The following PLA2G4E variants were observed in gnomAD, a reference collection of about 807,000 sequenced individuals.
PLA2G4E encodes the protein phospholipase A2 group IVE.
PLA2G4E carries 84 observed loss-of-function variants against 109.1 expected under a neutral mutation model. The ratio of observed to expected loss-of-function variants is 0.77; its 90% CI spans 0.65 to 0.92. The LOEUF (loss-of-function observed/expected upper bound fraction) is 0.92. PLA2G4E is among the 40% of genes least tolerant of loss of function. PLA2G4E has a pLI of 0.00. For synonymous variants in PLA2G4E, 469 were observed against 436.1 expected, an observed-to-expected ratio of 1.08 and a Z score of -0.94; for missense variants, 1,057 against 1,076.6, an observed-to-expected ratio of 0.98 and a Z score of 0.25.
chr15:41,992,870 T>C, exon 13 of PLA2G4E: 1 of 1,614,018 alleles, frequency 6.2e-7, no homozygotes, highest in Non-Finnish European at 8.5e-7. Context: ...GGGTAGCTTG[T>C]CCTTTACCAC....
At chr15:42,050,507 G>A (rs1408049440) in intron 1 of PLA2G4E, 3 of 1,547,152 alleles carry the variant, frequency 1.9e-6, no homozygotes, top group Non-Finnish European at 2.6e-6. Flanking sequence ...CCCCTCCCAG[G>A]AACACAGACA....
intron 1 of PLA2G4E, among the ~76,000 whole-genome samples, chr15:42,023,610 AC>A (rs1448389413): frequency 6.6e-6 from 1 of 152,022 alleles, no homozygotes; most frequent in African/African-American, 2.4e-5. Flanking sequence ...TGGCAACTCA[AC>A]CCACAGCACT....
chr15:42,021,650 G>A (rs1023914847), intron 1 of PLA2G4E, among the ~76,000 whole-genome samples: 16 of 152,218 alleles, frequency 1.1e-4, no homozygotes, highest in Admixed American at 2.0e-4. Context: ...GAGAGAGGGC[G>A]TGTCCAGCCC....
At chr15:41,984,437 T>C (rs2068107044) in exon 19 of PLA2G4E, 1 of 1,611,214 alleles carries the variant, frequency 6.2e-7, no homozygotes, top group South Asian at 1.1e-5. Flanking sequence ...GCAGCTCACC[T>C]GGTGCCTTGT....
intron 1 of PLA2G4E, among the ~76,000 whole-genome samples, chr15:42,019,484 A>G (rs1322980055): frequency 6.6e-6 from 1 of 152,156 alleles, no homozygotes; most frequent in Non-Finnish European, 1.5e-5. Flanking sequence ...AGAGAGGGGA[A>G]GATGGCACCT....
chr15:42,012,614 C>T (rs981819694), intron 2 of PLA2G4E, among the ~76,000 whole-genome samples: 2 of 152,198 alleles, frequency 1.3e-5, no homozygotes, highest in African/African-American at 4.8e-5. Flanking sequence ...CCCTCTCAGA[C>T]CCCAGGCTCT....
chr15:42,036,437 C>A (rs1889216653), intron 1 of PLA2G4E, among the ~76,000 whole-genome samples: 1 of 152,198 alleles, frequency 6.6e-6, no homozygotes, highest in South Asian at 2.1e-4. Context: ...GGGAGCGGTG[C>A]CGCTTTGGGG....
chr15:42,046,511 C>T (rs1045568111), intron 1 of PLA2G4E, among the ~76,000 whole-genome samples: 2 of 152,210 alleles, frequency 1.3e-5, no homozygotes, highest in African/African-American at 4.8e-5. Flanking sequence ...TCTCATCATT[C>T]GGATCTTAGT....
Position 42,045,487 on chromosome 15 carries a change from G to A in PLA2G4E, c.183+5034C>T, listed in dbSNP as rs1042479798. On this transcript the variant is annotated intron_variant, in intron 1 of 19. Coordinates refer to ENST00000399518, the Ensembl canonical transcript of PLA2G4E. ...CACCGGCACTCCACGGCAGTGCCGG[G>A]GGATGAAAAGGCATGAACAAGCAGC... Among the ~76,000 whole-genome samples, 3 of 152,212 alleles carry A rather than the reference G, an allele frequency of 2.0e-5. No individual in the cohort carries two copies. The East Asian group carries it at 5.8e-4, about 29-fold the overall frequency.
chr15:42,035,383 C>T (rs1889195255), intron 1 of PLA2G4E, among the ~76,000 whole-genome samples: 1 of 152,244 alleles, frequency 6.6e-6, no homozygotes, highest in Non-Finnish European at 1.5e-5. Context: ...TACATTTCAA[C>T]ACCTGTAAAC....
chr15:41,985,921 G>T, exon 18 of PLA2G4E: 9 of 1,608,356 alleles, frequency 5.6e-6, no homozygotes, highest in Non-Finnish European at 7.6e-6. Flanking sequence ...CGGGTAGCTG[G>T]AGTTGACAAA....
intron 1 of PLA2G4E, among the ~76,000 whole-genome samples, chr15:42,030,764 T>C (rs753742921): frequency 2.0e-5 from 3 of 152,224 alleles, no homozygotes; most frequent in Admixed American, 6.5e-5. Flanking sequence ...AGACTAGGTG[T>C]GTCTTTTCTG....
At chr15:42,043,863 G>A (rs570275092) in intron 1 of PLA2G4E, among the ~76,000 whole-genome samples, 21 of 152,226 alleles carry the variant, frequency 1.4e-4, no homozygotes, top group East Asian at 1.2e-3. Flanking sequence ...CATAAACACC[G>A]TACATATACA....
intron 12 of PLA2G4E, among the ~76,000 whole-genome samples, chr15:41,994,851 A>T (rs2068312003): frequency 6.6e-6 from 1 of 152,242 alleles, no homozygotes; most frequent in African/African-American, 2.4e-5. Flanking sequence ...GTGGGCCCCT[A>T]AAAGTACAGT....
chr15:42,026,286 A>ATGATAAAATT (rs767715799), intron 1 of PLA2G4E, among the ~76,000 whole-genome samples: 1 of 152,242 alleles, frequency 6.6e-6, no homozygotes, highest in Non-Finnish European at 1.5e-5. Flanking sequence ...AACTTAATAT[A>ATGATAAAATT]TGATAAAATT....
chr15:42,001,328 G>C, intron 6 of PLA2G4E, 108 bp from the exon 7 acceptor site: 2 of 1,040,872 alleles, frequency 1.9e-6, no homozygotes, highest in Non-Finnish European at 3.0e-6. Context: ...GCATTGGTCT[G>C]ACTGGGCTGA....
At chr15:42,033,653 T>C (rs1889155953) in intron 1 of PLA2G4E, among the ~76,000 whole-genome samples, 1 of 152,120 alleles carries the variant, frequency 6.6e-6, no homozygotes, top group Non-Finnish European at 1.5e-5. Context: ...GGGCAGCACC[T>C]GGGTGAGGCT....
At chr15:42,007,735 T>C in exon 3 of PLA2G4E, 2 of 1,612,176 alleles carry the variant, frequency 1.2e-6, no homozygotes, top group Non-Finnish European at 1.7e-6. Flanking sequence ...TCACCTTCAC[T>C]CGGCTCTGGA....
chr15:42,043,363 G>T (rs12438796), intron 1 of PLA2G4E, among the ~76,000 whole-genome samples: 7 of 151,916 alleles, frequency 4.6e-5, no homozygotes, highest in Admixed American at 1.3e-4. Flanking sequence ...AAATATGTGA[G>T]GAAGGTGGGC....
Sources: allele counts gnomAD v4.1 joint callset (sites outside exome capture counted in the v4.1 genomes callset), GRCh38; gene constraint gnomAD v4.1.1; transcripts MANE v1.5; gene names NCBI Gene and HGNC (gene_info 2026-07-23, HGNC 2026-07-21).